Variants in EYS observed in about 807,000 individuals in gnomAD.
The protein encoded by EYS is protein eyes shut homolog.
Under a neutral mutation model 282.1 loss-of-function variants are expected in EYS, and 250 were observed. That is an observed-to-expected ratio of 0.89 (90% confidence interval 0.80 to 0.98). EYS has a LOEUF of 0.98. Among genes scored for constraint, EYS ranks in the 50% least tolerant of loss-of-function variants. EYS has a pLI of 0.00. For missense variants in EYS, 4,016 were observed against 3,709.0 expected (o/e 1.08, Z -2.15); for synonymous variants, 1,355 against 1,282.9 (o/e 1.06, Z -1.20).
chr6:65,030,455 C>T lies in EYS; in HGVS notation c.2137+27159G>A, dbSNP rs1376092756. ...GGCACACATTCACCTGTAGCACCCCCACTGATTTGCTGGCACCTGTGTAGG... is the reference window on the plus strand; with the variant it reads ...GGCACACATTCACCTGTAGCACCCCTACTGATTTGCTGGCACCTGTGTAGG... On this transcript the variant is annotated intron_variant, in intron 13 of 42. Coordinates refer to ENST00000503581, the MANE Select transcript of EYS (RefSeq NM_001142800.2). Among the ~76,000 whole-genome samples the T allele has an allele frequency of 2.0e-5, 3 of 152,146 alleles. No homozygotes were observed. In the East Asian group the frequency reaches 5.8e-4, roughly 29 times the overall value.
At chr6:64,310,426 G>T (rs986815891) in intron 29 of EYS, among the ~76,000 whole-genome samples, 2 of 152,192 alleles carry the variant, frequency 1.3e-5, no homozygotes, top group African/African-American at 2.4e-5. Context: ...CATGTCTATT[G>T]CAGGGACATG....
intron 22 of EYS, among the ~76,000 whole-genome samples, chr6:64,699,280 T>C (rs537380897): frequency 6.6e-6 from 1 of 152,114 alleles, no homozygotes; most frequent in Non-Finnish European, 1.5e-5. Context: ...TGATGATAAC[T>C]TATGAACACA....
At chr6:65,319,459 T>C (rs1366526094) in intron 11 of EYS, among the ~76,000 whole-genome samples, 1 of 151,984 alleles carries the variant, frequency 6.6e-6, no homozygotes, top group Non-Finnish European at 1.5e-5. Flanking sequence ...TCATTGAATC[T>C]GAAAGTCTTC....
At chr6:64,342,781 AC>A (rs1399031215) in intron 29 of EYS, among the ~76,000 whole-genome samples, 1 of 152,088 alleles carries the variant, frequency 6.6e-6, no homozygotes. Flanking sequence ...AAGAGTCAAA[AC>A]CCATCAGTGT....
chr6:65,547,617 A>G (rs1287855241), intron 2 of EYS, among the ~76,000 whole-genome samples: 2 of 152,162 alleles, frequency 1.3e-5, no homozygotes, highest in African/African-American at 2.4e-5. Flanking sequence ...GATAGGCAAA[A>G]TACAACACTT....
At chr6:64,784,010 C>A (rs947223488) in intron 22 of EYS, among the ~76,000 whole-genome samples, 1 of 151,970 alleles carries the variant, frequency 6.6e-6, no homozygotes, top group African/African-American at 2.4e-5. Flanking sequence ...ATGTTCATGA[C>A]CTTACAGAGT....
intron 2 of EYS, among the ~76,000 whole-genome samples, chr6:65,584,098 C>A (rs1035615817): frequency 1.3e-5 from 2 of 151,878 alleles, no homozygotes; most frequent in South Asian, 2.1e-4. Context: ...TGAAAAAGAA[C>A]CCCAGCCATC....
At chr6:65,238,752 T>C (rs568034380) in intron 12 of EYS, among the ~76,000 whole-genome samples, 1 of 152,124 alleles carries the variant, frequency 6.6e-6, no homozygotes, top group South Asian at 2.1e-4. Flanking sequence ...TTAAATCTTA[T>C]TCAATGGCAA....
chr6:65,086,328 T>TA (rs368439314), intron 12 of EYS, among the ~76,000 whole-genome samples: 3,975 of 146,798 alleles, frequency 0.027, 185 homozygotes, highest in African/African-American at 0.094. Context: ...AAAAACTAAA[T>TA]AAAAAAAAAA....
intron 30 of EYS, among the ~76,000 whole-genome samples, chr6:64,285,368 C>T (rs1359011851): frequency 1.3e-5 from 2 of 152,220 alleles, no homozygotes; most frequent in Admixed American, 1.3e-4. Flanking sequence ...AAAATGCCGC[C>T]AGTCTCTTTG....
At chr6:63,824,187 ATAAAG>A (rs543826542) in intron 36 of EYS, among the ~76,000 whole-genome samples, 1 of 152,252 alleles carries the variant, frequency 6.6e-6, no homozygotes, top group African/African-American at 2.4e-5. Context: ...ATTGAGGGAC[ATAAAG>A]TAAATTATTA....
chr6:65,058,886 A>T (rs900838445), intron 12 of EYS, among the ~76,000 whole-genome samples: 11 of 152,270 alleles, frequency 7.2e-5, no homozygotes, highest in African/African-American at 2.6e-4. Flanking sequence ...AATGCAAATT[A>T]TTAGCAAATT....
chr6:64,454,412 T>C (rs1275603076), intron 26 of EYS, among the ~76,000 whole-genome samples: 1 of 152,170 alleles, frequency 6.6e-6, no homozygotes, highest in Non-Finnish European at 1.5e-5. Context: ...TATGCAAGCA[T>C]CCTATTAAGT....
chr6:65,184,218 G>A (rs995155435), intron 12 of EYS, among the ~76,000 whole-genome samples: 1 of 151,872 alleles, frequency 6.6e-6, no homozygotes, highest in African/African-American at 2.4e-5. Flanking sequence ...GAAATGTATA[G>A]GCTCTTAGTT....
chr6:65,496,210 A>G (rs770551796), intron 2 of EYS, among the ~76,000 whole-genome samples: 208 of 152,176 alleles, frequency 1.4e-3, no homozygotes, highest in Non-Finnish European at 2.5e-3. Flanking sequence ...ATAAAGAGGG[A>G]AAAGAAAGTC....
intron 22 of EYS, among the ~76,000 whole-genome samples, chr6:64,787,230 C>G (rs1446164450): frequency 2.0e-5 from 3 of 152,092 alleles, no homozygotes; most frequent in African/African-American, 7.2e-5. Context: ...AGGTCTAGCT[C>G]AAAGAGTAGT....
chr6:65,578,067 A>C (rs2776773), intron 2 of EYS, among the ~76,000 whole-genome samples: 114,256 of 151,624 alleles, frequency 0.75, 43,900 homozygotes, highest in African/African-American at 0.91. Flanking sequence ...CCAGGAATCT[A>C]ACCAATAGGG....
chr6:63,784,882 T>A (rs924550855), intron 39 of EYS, among the ~76,000 whole-genome samples: 7 of 152,210 alleles, frequency 4.6e-5, no homozygotes, highest in Admixed American at 4.6e-4. Context: ...GGCAATAGGG[T>A]TATGATGTGT....
chr6:64,980,263 T>A (rs1770610510), intron 14 of EYS, among the ~76,000 whole-genome samples: 1 of 151,536 alleles, frequency 6.6e-6, no homozygotes, highest in African/African-American at 2.4e-5. Context: ...TAAATGCTAC[T>A]TCCCCCTTTA....
Sources: gnomAD v4.1 joint callset for allele counts (sites outside exome capture counted in the v4.1 genomes callset) on GRCh38, gnomAD v4.1.1 for gene constraint, MANE v1.5 for transcripts, NCBI Gene and HGNC (gene_info 2026-07-23, HGNC 2026-07-21) for gene names.